GALK1: variants seen among roughly 807,000 people sequenced by gnomAD.
The protein encoded by GALK1 is galactokinase.
In GALK1, 30 loss-of-function variants were observed where a neutral mutation model predicts 38.6. That is an observed-to-expected ratio of 0.78 (90% CI 0.58 to 1.05). The LOEUF (loss-of-function observed/expected upper bound fraction) is 1.05. GALK1 is among the 50% of genes least tolerant of loss of function. The pLI, the probability that GALK1 is intolerant of heterozygous loss-of-function variation, is 0.00. For synonymous variants in GALK1, 240 were observed against 233.6 expected (o/e 1.03, Z -0.25); for missense variants, 512 against 540.5 (o/e 0.95, Z 0.52).
At chr17:75,757,404 C>T, downstream of GALK1, 5 of 1,613,118 alleles carry the variant, frequency 3.1e-6, no homozygotes, top group Non-Finnish European at 3.4e-6. Flanking sequence ...TCTAATGCCT[C>T]CTCCTCCACA....
chr17:75,763,197 G>A, intron 3 of GALK1, 48 bp from the exon 4 acceptor site: 1 of 1,610,030 alleles, frequency 6.2e-7, no homozygotes, highest in Non-Finnish European at 8.5e-7. Context: ...GGAAGCAGCA[G>A]TGGCTTCAAT....
downstream of GALK1, among the ~76,000 whole-genome samples, chr17:75,754,274 T>G (rs944317851): frequency 2.6e-5 from 4 of 152,160 alleles, no homozygotes; most frequent in African/African-American, 9.7e-5. Flanking sequence ...GAGGGAAGGC[T>G]TGGGGATCTC....
At chr17:75,751,627 G>A (rs1343949167) in exon 9 of GALK1, 1 of 225,066 alleles carries the variant, frequency 4.4e-6, no homozygotes, top group Non-Finnish European at 9.0e-6. Context: ...TGTAGTCCCA[G>A]CTAGTCAGGA....
chr17:75,758,743 C>A, intron 5 of GALK1, 144 bp from the exon 6 acceptor site: 1 of 980,298 alleles, frequency 1.0e-6, no homozygotes, highest in Non-Finnish European at 1.5e-6. Context: ...CTGGCTCTCT[C>A]AGACGTGGGT....
At chr17:75,754,256 A>G (rs2061435202), downstream of GALK1, among the ~76,000 whole-genome samples, 1 of 152,272 alleles carries the variant, frequency 6.6e-6, no homozygotes, top group South Asian at 2.1e-4. Context: ...AGGGGCCTCA[A>G]AGGACAGGAG....
Position 75,758,604 on chromosome 17 carries a change from G to T in GALK1, c.794-5C>A. 1 of 1,585,002 alleles carries T rather than the reference G, an allele frequency of 6.3e-7. No individual in the cohort carries two copies. The highest frequency in any genetic ancestry group is 8.5e-7 in the Non-Finnish European group (1 of 1,173,386). On this transcript the variant is annotated splice_region_variant and splice_polypyrimidine_tract_variant and intron_variant, in intron 5 of 7. Transcript: ENST00000588479. ...TGCTCACCAGGTCCCTGGCAGCTGG[G>T]GAGGAAAGAGGAGTCAGCAGCCGCC...
rs2061598599 is a variant in GALK1, at chr17:75,763,882, G to GC, written c.355+14dup. ...TAGTATCAGTGAGGACTTGGCTCAG[G>GC]CCTGGGCCCCATACCTGGGTAGTAC... On this transcript the variant is annotated intron_variant, in intron 2 of 7. Coordinates refer to ENST00000588479, the MANE Select transcript of GALK1 (RefSeq NM_000154.2). The GC allele has an allele frequency of 1.2e-6, 2 of 1,612,544 alleles. No homozygotes were observed. Among genetic ancestry groups the GC allele is most frequent in the Admixed American group, 1.7e-5 (1 of 59,926 alleles).
At chr17:75,751,735 C>T (rs948234626) in exon 9 of GALK1, 14 of 235,748 alleles carry the variant, frequency 5.9e-5, no homozygotes, top group African/African-American at 2.3e-4. Flanking sequence ...AGCCAGACTC[C>T]GTCTAAAAAT....
In GALK1 at chr17:75,762,617, C is replaced by T. The variant is rs1174514071; in HGVS notation, c.793+87G>A. ...GAGCATGGCAGAAGGCCCTGGAGAT[C>T]GGGGTCCCAGGCAGGGTCAAGGCCA... On this transcript the variant is annotated intron_variant, in intron 5 of 7. Transcript: ENST00000588479. The T allele has an allele frequency of 2.8e-6, 4 of 1,414,762 alleles. No individual in the cohort carries two copies. In the Admixed American group the frequency reaches 5.0e-5, roughly 18 times the overall value. 87.6% of individuals were successfully genotyped at this position (1,414,762 alleles called of 1,614,324 possible).
chr17:75,757,191 C>A (rs756539001), downstream of GALK1: 1 of 1,612,442 alleles, frequency 6.2e-7, no homozygotes, highest in Non-Finnish European at 8.5e-7. Flanking sequence ...GCCTATCTGC[C>A]CACCCCAGGA....
At position 75,765,159 on chromosome 17, in the gene GALK1, C is replaced by G; in HGVS notation, c.-23G>C. 6.6e-7 allele frequency: 1 copy of G among 1,504,688 alleles called. No homozygotes were observed. The allele number at this position is 1,504,688 out of a possible 1,614,324, so 93.2% of individuals were successfully genotyped here. ...CATGACGCGCGCCTGCAGCTCTGCA[C>G]AGCTGCTCCGGCACAGCCCCGTCGG... is the stretch of plus-strand genomic sequence containing the variant. On this transcript the variant is annotated 5_prime_UTR_variant, in exon 1 of 8. Transcript: ENST00000588479.
intron 8 of GALK1, chr17:75,752,273 T>C: frequency 1.9e-6 from 3 of 1,613,406 alleles, no homozygotes; most frequent in Non-Finnish European, 2.5e-6. Context: ...CGCTACACGG[T>C]GAAGGCGCGC....
downstream of GALK1, chr17:75,754,841 T>C (rs750695164): frequency 5.6e-6 from 9 of 1,613,864 alleles, no homozygotes; most frequent in Non-Finnish European, 7.6e-6. Flanking sequence ...CAACCCTGCC[T>C]CTCCCACTAA....
chr17:75,756,387 A>T (rs1168731260), downstream of GALK1: 4 of 1,603,706 alleles, frequency 2.5e-6, no homozygotes, highest in Non-Finnish European at 3.4e-6. Flanking sequence ...CAGGGGTGGG[A>T]GTAACACTGC....
At chr17:75,755,909 T>A (rs1008177), downstream of GALK1, 748,518 of 1,566,338 alleles carry the variant, frequency 0.48, 185,689 homozygotes, top group Non-Finnish European at 0.51. Context: ...GGCCCCAGTG[T>A]GACACATAGG....
At position 75,764,105 on chromosome 17, in the gene GALK1, A is replaced by G. The variant is rs1419957865; in HGVS notation, c.166-19T>C. ...CCAGAGCCTGGCAGGAGAGACAAGC[A>G]GTACGTGAGGCTTCCGCCAGCTGGA... is the stretch of plus-strand genomic sequence containing the variant. On this transcript the variant is annotated intron_variant, in intron 1 of 7. Coordinates refer to ENST00000588479, the MANE Select transcript of GALK1 (RefSeq NM_000154.2). 4 of 1,562,450 alleles carry G rather than the reference A, an allele frequency of 2.6e-6. No homozygotes were observed. Among genetic ancestry groups the G allele is most frequent in the South Asian group, 1.2e-5 (1 of 86,710 alleles).
rs763883590 is a variant in GALK1 at position 75,763,951 on chromosome 17, G to T, written c.301C>A (p.Pro101Thr). Residue 101 changes from proline (P) to threonine (T), a missense_variant, in exon 2 of 8, where the codon CCT becomes ACT. By Grantham distance (38) the Pro-to-Thr change is conservative. Coordinates refer to ENST00000588479, the MANE Select transcript of GALK1 (RefSeq NM_000154.2). ...TAGTTGGCCCACCGAGGAGTCCCAG[G>T]CTCCAGCGAGCGCTGGGCTGTGGGC... ...PLPTAQRSLEPGTPRWANYVK... is the reference protein window; with the variant it reads ...PLPTAQRSLETGTPRWANYVK... The T allele has an allele frequency of 6.2e-7, 1 of 1,613,554 alleles. No individual in the cohort carries two copies. Among genetic ancestry groups the T allele is most frequent in the Admixed American group, 1.7e-5 (1 of 60,018 alleles).
At chr17:75,764,187 C>T (rs2061600696) in intron 1 of GALK1, 101 bp from the exon 2 acceptor site, 2 of 1,129,196 alleles carry the variant, frequency 1.8e-6, no homozygotes, top group South Asian at 2.5e-5. Context: ...CCACAGTCAT[C>T]AGGTTCTGAA....
downstream of GALK1, chr17:75,757,022 C>G (rs1445827106): frequency 6.2e-7 from 1 of 1,612,832 alleles, no homozygotes; most frequent in Non-Finnish European, 8.5e-7. Context: ...AGAACGTGCC[C>G]TACAAGTTCA....
Sources: gnomAD v4.1 joint callset for allele counts (sites outside exome capture counted in the v4.1 genomes callset) on GRCh38, gnomAD v4.1.1 for gene constraint, MANE v1.5 for transcripts, NCBI Gene and HGNC (gene_info 2026-07-23, HGNC 2026-07-21) for gene names.